Variants in RARB observed in about 807,000 individuals in gnomAD.
RARB encodes the protein retinoic acid receptor beta.
Under a neutral mutation model 51.9 loss-of-function variants are expected in RARB, and 17 were observed. That is an observed-to-expected ratio of 0.33 (90% CI 0.22 to 0.49). The LOEUF (loss-of-function observed/expected upper bound fraction) is 0.49. RARB is among the 20% of genes least tolerant of loss of function. The probability of loss-of-function intolerance (pLI) is 0.99; values close to 1 mark genes in which losing one functional copy is unlikely to be tolerated. For missense variants in RARB, 369 were observed against 550.8 expected (o/e 0.67, Z 3.30); for synonymous variants, 215 against 195.4 (o/e 1.10, Z -0.84).
chr3:24,847,437 ACC>A (rs1702498769), intron 1 of RARB, among the ~76,000 whole-genome samples: 1 of 152,142 alleles, frequency 6.6e-6, no homozygotes, highest in South Asian at 2.1e-4. Context: ...GAATTCTTCC[ACC>A]CTTGTTCTAC....
intron 5 of RARB, among the ~76,000 whole-genome samples, chr3:25,325,674 A>T (rs1704694940): frequency 6.6e-6 from 1 of 151,776 alleles, no homozygotes; most frequent in South Asian, 2.1e-4. Context: ...AGTTGTGTGT[A>T]TAAATGGAAT....
At chr3:25,354,138 A>C (rs1705659602) in intron 5 of RARB, among the ~76,000 whole-genome samples, 1 of 151,668 alleles carries the variant, frequency 6.6e-6, no homozygotes. Context: ...CCTTTCCCAG[A>C]ATTGTCATGT....
chr3:25,177,236 G>A (rs143671448), intron 5 of RARB, among the ~76,000 whole-genome samples: 158 of 152,292 alleles, frequency 1.0e-3, no homozygotes, highest in African/African-American at 3.5e-3. Flanking sequence ...GTTAAAGCCC[G>A]TGTTTTCAAA....
chr3:25,336,753 T>G (rs1327270964), intron 5 of RARB, among the ~76,000 whole-genome samples: 1 of 152,166 alleles, frequency 6.6e-6, no homozygotes, highest in Non-Finnish European at 1.5e-5. Flanking sequence ...TAAAGGTTAA[T>G]GTGGCCAAGC....
At chr3:25,439,289 T>G (rs1443988884) in intron 1 of RARB, among the ~76,000 whole-genome samples, 2 of 150,762 alleles carry the variant, frequency 1.3e-5, no homozygotes, top group African/African-American at 2.4e-5. Context: ...GTATCTATTG[T>G]GTGCAGAGGA....
intron 2 of RARB, among the ~76,000 whole-genome samples, chr3:24,894,707 C>CA (rs1269988659): frequency 6.6e-6 from 1 of 152,106 alleles, no homozygotes; most frequent in African/African-American, 2.4e-5. Flanking sequence ...CTAGCGATGA[C>CA]AAAACAATAC....
chr3:24,858,569 G>C (rs189802163), intron 1 of RARB: 8 of 152,290 alleles, frequency 5.3e-5, no homozygotes, highest in South Asian at 4.1e-4. Context: ...TCACGTCATG[G>C]AAAGGAGGTA....
chr3:25,249,501 C>G (rs1409500438), intron 5 of RARB, among the ~76,000 whole-genome samples: 3 of 151,918 alleles, frequency 2.0e-5, no homozygotes, highest in African/African-American at 7.2e-5. Context: ...TATATCCCTG[C>G]TTTTTTTGTT....
At chr3:25,100,995 A>T (rs1416968059) in intron 3 of RARB, among the ~76,000 whole-genome samples, 1 of 152,210 alleles carries the variant, frequency 6.6e-6, no homozygotes, top group Non-Finnish European at 1.5e-5. Context: ...AGGCTAAAAT[A>T]GAGTTAATTT....
At position 25,579,338 on chromosome 3, in the gene RARB, CAG is replaced by C. The variant is rs1701074322; in HGVS notation, c.610-1203_610-1202del. Among the ~76,000 whole-genome samples the C allele has an allele frequency of 3.3e-5, 5 of 152,306 alleles. No individual in the cohort carries two copies. The South Asian group carries it at 1.0e-3, about 32-fold the overall frequency. The stretch of plus-strand genomic sequence containing the variant: ...AAGATGTAGAATATTTCCATTGCTC[CAG>C]AGAGTTTCCTTGTGCACCTGTGGTC... On this transcript the variant is annotated intron_variant, in intron 4 of 7. Coordinates refer to ENST00000330688, the MANE Select transcript of RARB (RefSeq NM_000965.5).
At chr3:24,992,317 C>T (rs1696929969) in intron 2 of RARB, among the ~76,000 whole-genome samples, 1 of 151,890 alleles carries the variant, frequency 6.6e-6, no homozygotes, top group Non-Finnish European at 1.5e-5. Flanking sequence ...TATTCCTTAC[C>T]TGGTTTTGAC....
chr3:25,143,895 C>A (rs1458285520), intron 4 of RARB, among the ~76,000 whole-genome samples: 1 of 152,172 alleles, frequency 6.6e-6, no homozygotes. Context: ...CAAAAGACAG[C>A]ACAGTGCCTA....
At chr3:25,060,600 A>G (rs149179412) in intron 3 of RARB, among the ~76,000 whole-genome samples, 54 of 152,078 alleles carry the variant, frequency 3.6e-4, no homozygotes, top group African/African-American at 1.2e-3. Context: ...TTATAAAAAC[A>G]GGCAACATTT....
At chr3:25,151,518 G>A (rs1458699769) in intron 4 of RARB, among the ~76,000 whole-genome samples, 2 of 152,148 alleles carry the variant, frequency 1.3e-5, no homozygotes, top group Non-Finnish European at 2.9e-5. Flanking sequence ...TCTCTTTGAT[G>A]CATAAGGGTA....
intron 3 of RARB, among the ~76,000 whole-genome samples, chr3:25,109,967 G>A (rs1347292948): frequency 3.9e-5 from 6 of 152,192 alleles, no homozygotes; most frequent in African/African-American, 9.6e-5. Flanking sequence ...GCTTATGAGC[G>A]AGAGCTACTC....
chr3:24,899,438 G>A (rs766103027), intron 2 of RARB, among the ~76,000 whole-genome samples: 25 of 152,120 alleles, frequency 1.6e-4, no homozygotes, highest in Non-Finnish European at 3.1e-4. Flanking sequence ...TTGTGGAAAG[G>A]TTCCGTCACT....
At chr3:25,155,237 C>T (rs1432914774) in intron 4 of RARB, among the ~76,000 whole-genome samples, 1 of 152,090 alleles carries the variant, frequency 6.6e-6, no homozygotes, top group African/African-American at 2.4e-5. Context: ...GTCTTTTCTG[C>T]TTTCCTGCCA....
intron 2 of RARB, among the ~76,000 whole-genome samples, chr3:24,942,695 G>T (rs930873246): frequency 6.6e-6 from 1 of 151,984 alleles, no homozygotes; most frequent in Non-Finnish European, 1.5e-5. Context: ...TGTTAAATAC[G>T]CACTATGTTG....
intron 4 of RARB, among the ~76,000 whole-genome samples, chr3:25,152,646 T>C (rs901865090): frequency 6.6e-6 from 1 of 152,166 alleles, no homozygotes; most frequent in Non-Finnish European, 1.5e-5. Context: ...CATACATACA[T>C]ACACAGTAAT....
Sources: allele counts gnomAD v4.1 joint callset (sites outside exome capture counted in the v4.1 genomes callset), GRCh38; gene constraint gnomAD v4.1.1; transcripts MANE v1.5; gene names NCBI Gene and HGNC (gene_info 2026-07-23, HGNC 2026-07-21).